Variants in WDR72 observed in about 807,000 individuals in gnomAD.
The protein encoded by WDR72 is WD repeat domain 72.
A neutral mutation model predicts 124.2 loss-of-function variants in WDR72; 120 were observed. The ratio of observed to expected loss-of-function variants is 0.97; its 90% confidence interval spans 0.83 to 1.12. The LOEUF is 1.12. Among genes scored for constraint, WDR72 ranks in the 50% most tolerant of loss-of-function variants. The pLI, the probability that WDR72 is intolerant of heterozygous loss-of-function variation, is 0.00. For synonymous variants in WDR72, 452 were observed against 441.7 expected (o/e 1.02, Z -0.29); for missense variants, 1,387 against 1,278.8 (o/e 1.08, Z -1.29).
At chr15:53,670,823 T>C (rs2015959698) in intron 13 of WDR72, among the ~76,000 whole-genome samples, 1 of 152,188 alleles carries the variant, frequency 6.6e-6, no homozygotes, top group Admixed American at 6.5e-5. Context: ...AGAGAGGTCC[T>C]CACTCAGCTG....
intron 14 of WDR72, among the ~76,000 whole-genome samples, chr15:53,630,421 A>G (rs2014381018): frequency 6.6e-6 from 1 of 152,184 alleles, no homozygotes; most frequent in Non-Finnish European, 1.5e-5. Context: ...TAAGAAAAGT[A>G]CAGACCAATA....
intron 17 of WDR72, among the ~76,000 whole-genome samples, 200 bp downstream of exon 17, chr15:53,609,313 C>T (rs945023724): frequency 6.6e-6 from 1 of 152,102 alleles, no homozygotes; most frequent in Non-Finnish European, 1.5e-5. Flanking sequence ...CCCTCAGCCC[C>T]GGGCATTCAC....
chr15:53,743,207 A>G (rs1290473862), intron 1 of WDR72, among the ~76,000 whole-genome samples: 1 of 152,158 alleles, frequency 6.6e-6, no homozygotes, highest in East Asian at 1.9e-4. Context: ...AAATAATTCT[A>G]AGAAAAAATT....
Position 53,605,766 on chromosome 15 carries a change from C to T in WDR72, c.2952+3747G>A, listed in dbSNP as rs190168788. Among the ~76,000 whole-genome samples, 544 of 151,966 alleles carry T rather than the reference C, an allele frequency of 3.6e-3. 1 individual carries two copies. The highest frequency in any genetic ancestry group is 4.3e-3 in the Non-Finnish European group (293 of 67,954). ...GCTACTTGGGAGGATGAGGCAGAAG[C>T]GTCGCTTGAACCTGGGAGACGGAGG... On this transcript the variant is annotated intron_variant, in intron 17 of 19. Transcript: ENST00000360509.
At chr15:53,569,601 G>A (rs1894432534) in intron 18 of WDR72, among the ~76,000 whole-genome samples, 1 of 151,974 alleles carries the variant, frequency 6.6e-6, no homozygotes, top group Non-Finnish European at 1.5e-5. Context: ...CAGCTTATGA[G>A]GCATTTATTT....
intron 13 of WDR72, among the ~76,000 whole-genome samples, chr15:53,670,663 G>A (rs756515182): frequency 2.0e-5 from 3 of 152,160 alleles, no homozygotes; most frequent in Non-Finnish European, 4.4e-5. Context: ...ACATCTCTGT[G>A]CCTCAATATC....
intron 18 of WDR72, among the ~76,000 whole-genome samples, chr15:53,575,650 A>T (rs1894725577): frequency 6.6e-6 from 1 of 152,168 alleles, no homozygotes. Context: ...TGGAAATAAC[A>T]GTACCTAGCC....
intron 8 of WDR72, 167 bp downstream of exon 8, chr15:53,711,169 T>C: frequency 9.8e-7 from 1 of 1,024,184 alleles, no homozygotes; most frequent in East Asian, 2.5e-5. Flanking sequence ...CCCTGCTGTT[T>C]TGTACAAAGG....
chr15:53,640,679 T>C (rs1261637409), intron 14 of WDR72, among the ~76,000 whole-genome samples: 1 of 152,178 alleles, frequency 6.6e-6, no homozygotes, highest in Non-Finnish European at 1.5e-5. Context: ...TGTGGATATA[T>C]GTAAGTTATT....
chr15:53,639,021 AC>A (rs1467316094), intron 14 of WDR72, among the ~76,000 whole-genome samples: 1 of 152,002 alleles, frequency 6.6e-6, no homozygotes, highest in Non-Finnish European at 1.5e-5. Context: ...TCACTGCAAC[AC>A]CAAGTTTCTC....
chr15:53,716,126 T>C (rs1390377226), intron 4 of WDR72, among the ~76,000 whole-genome samples: 2 of 152,120 alleles, frequency 1.3e-5, no homozygotes, highest in African/African-American at 4.8e-5. Context: ...ACACTACATA[T>C]GCTTGGAAAC....
chr15:53,731,748 C>T (rs1387768332), intron 2 of WDR72, among the ~76,000 whole-genome samples: 1 of 151,994 alleles, frequency 6.6e-6, no homozygotes, highest in African/African-American at 2.4e-5. Context: ...ACTGTAACCT[C>T]CTGGGCAGCC....
chr15:53,599,787 A>AAATATACAG (rs1156291585), intron 17 of WDR72, among the ~76,000 whole-genome samples: 1 of 151,900 alleles, frequency 6.6e-6, no homozygotes, highest in Admixed American at 6.6e-5. Flanking sequence ...TCCTTCTTAA[A>AAATATACAG]AATATACAGG....
chr15:53,754,680 T>C (rs2140900841), intron 1 of WDR72, among the ~76,000 whole-genome samples: 1 of 152,180 alleles, frequency 6.6e-6, no homozygotes, highest in East Asian at 1.9e-4. Flanking sequence ...TAATACCTTG[T>C]TTGTATTTCT....
chr15:53,744,298 T>C (rs185477462), intron 1 of WDR72, among the ~76,000 whole-genome samples: 8 of 152,290 alleles, frequency 5.3e-5, no homozygotes, highest in East Asian at 1.9e-4. Context: ...ATGAGAAGCA[T>C]TGAATTACAT....
chr15:53,701,536 G>GTCTCTCTCTCTCTCTCTC (rs370281315), intron 12 of WDR72, among the ~76,000 whole-genome samples: 155 of 101,472 alleles, frequency 1.5e-3, no homozygotes, highest in African/African-American at 5.0e-3. Context: ...GTGAGACCCT[G>GTCTCTCTCTCTCTCTCTC]TCTCTCTCTC....
At chr15:53,760,010 C>G (rs1392686095), upstream of WDR72, among the ~76,000 whole-genome samples, 1 of 97,614 alleles carries the variant, frequency 1.0e-5, no homozygotes, top group Non-Finnish European at 2.1e-5. Flanking sequence ...GAGATGAGGC[C>G]TCAACCTTTT....
At chr15:53,663,299 G>T (rs981227430) in intron 14 of WDR72, among the ~76,000 whole-genome samples, 2 of 152,068 alleles carry the variant, frequency 1.3e-5, no homozygotes, top group Middle Eastern at 3.4e-3. Context: ...GACAAAGAAG[G>T]TGATAGTCCT....
chr15:53,552,128 ATGTG>A (rs34039658), intron 18 of WDR72, among the ~76,000 whole-genome samples: 4 of 149,846 alleles, frequency 2.7e-5, no homozygotes, highest in South Asian at 2.1e-4. Flanking sequence ...TATACCTATC[ATGTG>A]TGTGTGTGTG....
Sources: gnomAD v4.1 joint callset for allele counts (sites outside exome capture counted in the v4.1 genomes callset) on GRCh38, gnomAD v4.1.1 for gene constraint, MANE v1.5 for transcripts, NCBI Gene and HGNC (gene_info 2026-07-23, HGNC 2026-07-21) for gene names.